The following SGCZ variants were observed in gnomAD, a reference collection of about 807,000 sequenced individuals.
The protein encoded by SGCZ is zeta-sarcoglycan.
A neutral mutation model predicts 41.3 loss-of-function variants in SGCZ; 40 were observed. That is an observed-to-expected ratio of 0.97 (90% confidence interval 0.75 to 1.26). SGCZ has a LOEUF of 1.26. SGCZ is among the 50% of genes most tolerant of loss of function. The pLI is 0.00. For missense variants in SGCZ, 552 were observed against 369.8 expected (o/e 1.49, Z -4.04); for synonymous variants, 206 against 137.5 (o/e 1.50, Z -3.49).
At chr8:14,392,268 C>T (rs10093316) in intron 2 of SGCZ, among the ~76,000 whole-genome samples, 25,522 of 152,072 alleles carry the variant, frequency 0.17, 5,048 homozygotes, top group African/African-American at 0.48. Context: ...AAGTTTACTG[C>T]TGAAATTTTT....
chr8:14,188,026 A>AG (rs1162326467), intron 4 of SGCZ, among the ~76,000 whole-genome samples: 4 of 152,142 alleles, frequency 2.6e-5, no homozygotes, highest in African/African-American at 9.7e-5. Flanking sequence ...AGGAAGTAGT[A>AG]GGACAGCATA....
At chr8:14,434,004 G>A (rs1286464863) in intron 2 of SGCZ, among the ~76,000 whole-genome samples, 1 of 152,244 alleles carries the variant, frequency 6.6e-6, no homozygotes, top group African/African-American at 2.4e-5. Context: ...TATTTTTACT[G>A]CATTTGATTT....
At chr8:14,489,863 C>CATTTTTTTTTTTTT (rs1236000009) in intron 2 of SGCZ, among the ~76,000 whole-genome samples, 1 of 65,728 alleles carries the variant, frequency 1.5e-5, no homozygotes, top group East Asian at 3.3e-4. Context: ...AAAAATTCTC[C>CATTTTTTTTTTTTT]TACCTTTTTT....
rs1411680868 is a variant in SGCZ, at chr8:14,402,688, A to G, written c.235-78484T>C. On this transcript the variant is annotated intron_variant, in intron 2 of 7. Transcript: ENST00000382080. ...CCAGTACCACGGTGTTTTGGTTACTATAGCCTTGTAGTATAGTTTGAAGTC... is the reference window on the plus strand; with the variant it reads ...CCAGTACCACGGTGTTTTGGTTACTGTAGCCTTGTAGTATAGTTTGAAGTC... 6.9e-5 allele frequency among the ~76,000 whole-genome samples: 10 copies of G among 145,754 alleles called. 1 individual carries two copies. The highest frequency in any genetic ancestry group is 3.9e-4 in the East Asian group (2 of 5,072).
At position 14,860,756 on chromosome 8, in the gene SGCZ, G is replaced by A. The variant is rs115350052; in HGVS notation, c.40-305830C>T. ...AAAGAAAGTAAGTAAGTAAGTGAGG[G>A]AGGGAGGGAGGGAAGAAACTCTCTC... is the stretch of plus-strand genomic sequence containing the variant. On this transcript the variant is annotated intron_variant, in intron 1 of 7. Transcript: ENST00000382080. 9.1e-3 allele frequency among the ~76,000 whole-genome samples: 1,256 copies of A among 138,562 alleles called. 15 individuals carry two copies. The highest frequency in any genetic ancestry group is 0.035 in the African/African-American group (1,181 of 33,440). 90.9% of individuals were successfully genotyped at this position (138,562 alleles called of 152,430 possible). A position where few individuals can be genotyped will look rare whatever the true frequency, so the allele number is the denominator to read the frequency against.
intron 2 of SGCZ, among the ~76,000 whole-genome samples, chr8:14,456,110 T>C (rs1455256539): frequency 2.0e-5 from 3 of 152,098 alleles, no homozygotes; most frequent in Non-Finnish European, 2.9e-5. Flanking sequence ...CTGAATTGTA[T>C]AGAATTTGCA....
chr8:14,245,491 C>A (rs1434084542), intron 3 of SGCZ, among the ~76,000 whole-genome samples: 1 of 152,058 alleles, frequency 6.6e-6, no homozygotes, highest in Non-Finnish European at 1.5e-5. Flanking sequence ...CCATAAATAC[C>A]CTAGAAGAAA....
rs888777713 is a variant in SGCZ at position 15,048,123 on chromosome 8, A to G, written c.39+189462T>C. Among the ~76,000 whole-genome samples, 10 of 152,234 alleles carry G rather than the reference A, an allele frequency of 6.6e-5. No individual in the cohort carries two copies. In the East Asian group the frequency reaches 1.9e-3, roughly 29 times the overall value. On this transcript the variant is annotated intron_variant, in intron 1 of 7. Coordinates refer to ENST00000382080, the MANE Select transcript of SGCZ (RefSeq NM_139167.4). ...AGAATGAATGAAGAAAATGTGGCAT[A>G]TAAAAATAATGAAACAACTTCAGCC...
chr8:14,372,532 C>A (rs532377152), intron 2 of SGCZ, among the ~76,000 whole-genome samples: 2 of 152,002 alleles, frequency 1.3e-5, no homozygotes, highest in Non-Finnish European at 1.5e-5. Flanking sequence ...GTAAAAAGGG[C>A]CATGAATAAC....
chr8:15,145,638 A>G (rs1799015972), intron 1 of SGCZ, among the ~76,000 whole-genome samples: 1 of 152,014 alleles, frequency 6.6e-6, no homozygotes, highest in Non-Finnish European at 1.5e-5. Flanking sequence ...TCTTTTCTTC[A>G]GAGACAAGGT....
intron 2 of SGCZ, among the ~76,000 whole-genome samples, chr8:14,487,491 A>G (rs1484869335): frequency 6.6e-6 from 1 of 152,000 alleles, no homozygotes; most frequent in African/African-American, 2.4e-5. Flanking sequence ...GATTTGTGCT[A>G]TACTGTTCCT....
At chr8:15,024,089 T>C (rs1803359333) in intron 1 of SGCZ, among the ~76,000 whole-genome samples, 1 of 152,186 alleles carries the variant, frequency 6.6e-6, no homozygotes, top group Admixed American at 6.5e-5. Flanking sequence ...ACCAAAGCAA[T>C]TGGTATGTTA....
chr8:14,399,865 T>C (rs1266907428), intron 2 of SGCZ, among the ~76,000 whole-genome samples: 2 of 152,130 alleles, frequency 1.3e-5, no homozygotes, highest in Non-Finnish European at 2.9e-5. Context: ...GCTATAAAGT[T>C]TACTTCTTTA....
intron 1 of SGCZ, among the ~76,000 whole-genome samples, chr8:14,793,240 G>A (rs1166289372): frequency 2.0e-5 from 3 of 152,132 alleles, no homozygotes; most frequent in African/African-American, 7.2e-5. Flanking sequence ...TTTGCTCAAG[G>A]CTTTGCCCTT....
intron 1 of SGCZ, among the ~76,000 whole-genome samples, chr8:14,655,078 T>C (rs762590721): frequency 2.0e-5 from 3 of 152,104 alleles, no homozygotes; most frequent in African/African-American, 7.2e-5. Flanking sequence ...CTTTCAAAAA[T>C]GTGTAAATAT....
chr8:15,182,877 T>G (rs865938416), intron 1 of SGCZ, among the ~76,000 whole-genome samples: 25 of 152,358 alleles, frequency 1.6e-4, no homozygotes, highest in African/African-American at 5.5e-4. Context: ...ATTGTACGGC[T>G]ATACAAAAAT....
intron 1 of SGCZ, among the ~76,000 whole-genome samples, chr8:14,774,718 G>A (rs1434256607): frequency 6.6e-6 from 1 of 152,140 alleles, no homozygotes. Context: ...CTTGAAATGT[G>A]GTTAATTGAA....
intron 1 of SGCZ, among the ~76,000 whole-genome samples, chr8:15,048,882 C>A (rs1187806110): frequency 6.6e-6 from 1 of 152,016 alleles, no homozygotes; most frequent in Non-Finnish European, 1.5e-5. Flanking sequence ...TACACCCTGA[C>A]CATCTTCCAA....
At chr8:14,394,252 G>A (rs993139490) in intron 2 of SGCZ, among the ~76,000 whole-genome samples, 2 of 148,902 alleles carry the variant, frequency 1.3e-5, no homozygotes, top group Admixed American at 6.9e-5. Context: ...CCAGGTTTAA[G>A]TGATTCTCCT....
Sources: gnomAD v4.1 joint callset for allele counts (sites outside exome capture counted in the v4.1 genomes callset) on GRCh38, gnomAD v4.1.1 for gene constraint, MANE v1.5 for transcripts, NCBI Gene and HGNC (gene_info 2026-07-23, HGNC 2026-07-21) for gene names.